The following PRRT3 variants were observed in gnomAD, a reference collection of about 807,000 sequenced individuals.
The protein encoded by PRRT3 is proline-rich transmembrane protein 3.
Under a neutral mutation model 56.6 loss-of-function variants are expected in PRRT3, and 48 were observed. The ratio of observed to expected loss-of-function variants is 0.85; its 90% CI spans 0.67 to 1.08. PRRT3 has a LOEUF of 1.08. Ranked by LOEUF, PRRT3 falls within the 50% of genes least tolerant of loss-of-function variation. The pLI, the probability that PRRT3 is intolerant of heterozygous loss-of-function variation, is 0.00. For missense variants in PRRT3, 1,370 were observed against 1,353.1 expected (o/e 1.01, Z -0.20); for synonymous variants, 641 against 619.1 (o/e 1.04, Z -0.52).
chr3:9,949,099 A>T lies in PRRT3; in HGVS notation c.1015+2T>A. 1 of 1,595,266 alleles carries T rather than the reference A, an allele frequency of 6.3e-7. No individual in the cohort carries two copies. Among genetic ancestry groups the T allele is most frequent in the Non-Finnish European group, 8.5e-7 (1 of 1,173,756 alleles). ...TCGCTCAGCACACTCATTGATACCCACCTGGCTTAGACGGCCGATCAGGAG... is the reference window on the plus strand; with the variant it reads ...TCGCTCAGCACACTCATTGATACCCTCCTGGCTTAGACGGCCGATCAGGAG... On this transcript the variant is annotated splice_donor_variant, in intron 2 of 3. Coordinates refer to ENST00000412055, the MANE Select transcript of PRRT3 (RefSeq NM_207351.5). LOFTEE classifies it high-confidence loss of function. The surrounding 1 kb of genome is among the most constrained non-coding windows in gnomAD (Gnocchi z 4.5).
rs760932331 is a variant in PRRT3, at chr3:9,947,046, G to A, written c.2127C>T (p.His709=). 7.2e-6 allele frequency: 11 copies of A among 1,535,480 alleles called. No homozygotes were observed. In the South Asian group the frequency reaches 9.5e-5, roughly 13 times the overall value. Residue 709 remains histidine (H), a synonymous_variant, in exon 4 of 4, where the codon CAC becomes CAT. Transcript: ENST00000412055. The surrounding 1 kb of genome is among the most constrained non-coding windows in gnomAD (Gnocchi z 9.2). The part of the protein sequence containing the change: ...AAARPRPPTE[H]ACWAKLMRLA... ...GACGCATCAGCTTAGCCCAGCAAGC[G>A]TGCTCCGTGGGCGGCCTGGGTCTCG...
rs1157964552 is a variant in PRRT3 at position 9,946,077 on chromosome 3, C to T, written c.*150G>A. On this transcript the variant is annotated 3_prime_UTR_variant, in exon 4 of 4. Transcript: ENST00000412055. The surrounding 1 kb of genome is among the most constrained non-coding windows in gnomAD (Gnocchi z 4.1). ...GATCTCGAACTCCTGACCTCGTGTTCCACCCACCTCGGCCTCCCAAAGTGC... is the reference window on the plus strand; with the variant it reads ...GATCTCGAACTCCTGACCTCGTGTTTCACCCACCTCGGCCTCCCAAAGTGC... The T allele has an allele frequency of 8.3e-7, 1 of 1,201,978 alleles. No homozygotes were observed. Among genetic ancestry groups the T allele is most frequent in the East Asian group, 2.8e-5 (1 of 35,730 alleles). 74.5% of individuals were successfully genotyped at this position (1,201,978 alleles called of 1,614,324 possible). A position where few individuals can be genotyped will look rare whatever the true frequency, so the allele number is the denominator to read the frequency against.
Position 9,950,187 on chromosome 3 carries a change from G to T in PRRT3, c.-57-15C>A. On this transcript the variant is annotated splice_polypyrimidine_tract_variant and intron_variant, in intron 1 of 3. Coordinates refer to ENST00000412055, the MANE Select transcript of PRRT3 (RefSeq NM_207351.5). Reference sequence around the variant, plus strand: ...ACTGGATGAGCCTAAAAAAAAAACAGGGCATGGAATGACATGTGAGGGCTG... The same window carrying T: ...ACTGGATGAGCCTAAAAAAAAAACATGGCATGGAATGACATGTGAGGGCTG... The T allele has an allele frequency of 1.6e-6, 2 of 1,262,128 alleles. No homozygotes were observed. The highest frequency in any genetic ancestry group is 2.0e-6 in the Non-Finnish European group (2 of 982,000). 78.2% of individuals were successfully genotyped at this position (1,262,128 alleles called of 1,614,324 possible).
At position 9,947,478 on chromosome 3, in the gene PRRT3, C is replaced by T. The variant is rs1553601262; in HGVS notation, c.1695G>A (p.Pro565=). 1 of 1,612,288 alleles carries T rather than the reference C, an allele frequency of 6.2e-7. No homozygotes were observed. The highest frequency in any genetic ancestry group is 1.1e-5 in the South Asian group (1 of 91,074). ...GCAGGAGTGGGTTTTGCAGCGGTGG[C>T]GGCAGCCCCGCGCCCAGGCCGAGCA... ...LTLLGLGAGL[P]PPLQNPLLLG... is the part of the protein sequence containing the mutation. Residue 565 remains proline, a synonymous_variant, in exon 4 of 4, where the codon CCG becomes CCA. Transcript: ENST00000412055. This position sits in a 1 kb window ranked among gnomAD's most constrained non-coding sequence, Gnocchi z 9.2.
Position 9,945,823 on chromosome 3 carries a change from T to G in PRRT3, c.*404A>C. The G allele has an allele frequency of 1.1e-4, 1 of 8,734 alleles. No individual in the cohort carries two copies. The highest frequency in any genetic ancestry group is 6.7e-4 in the Non-Finnish European group (1 of 1,486). 0.5% of individuals were successfully genotyped at this position (8,734 alleles called of 1,614,324 possible). Reference sequence around the variant, plus strand: ...CAGGTAGAGAGGCCTGGGGATGCCTTTTTTTTTTTTTTTTTTTTTTTTTTT... The same window carrying G: ...CAGGTAGAGAGGCCTGGGGATGCCTGTTTTTTTTTTTTTTTTTTTTTTTTT... On this transcript the variant is annotated 3_prime_UTR_variant, in exon 4 of 4. Coordinates refer to ENST00000412055, the MANE Select transcript of PRRT3 (RefSeq NM_207351.5).
In PRRT3 at chr3:9,947,988, C is replaced by T; in HGVS notation, c.1185G>A (p.Glu395=). The T allele has an allele frequency of 1.5e-6, 2 of 1,349,150 alleles. No homozygotes were observed. Among genetic ancestry groups the T allele is most frequent in the South Asian group, 2.3e-5 (1 of 43,512 alleles). 83.6% of individuals were successfully genotyped at this position (1,349,150 alleles called of 1,614,324 possible). Residue 395 remains glutamate, a synonymous_variant, in exon 4 of 4, where the codon GAG becomes GAA. Transcript: ENST00000412055. The surrounding 1 kb of genome is among the most constrained non-coding windows in gnomAD (Gnocchi z 9.2). ...GATGGCTTTGGGGGCGCCCCGGCCACTCCTCGGCTTCATCTGCAATTATAA... is the reference window on the plus strand; with the variant it reads ...GATGGCTTTGGGGGCGCCCCGGCCATTCCTCGGCTTCATCTGCAATTATAA... ...MGALQPDEAE[E]WPGRPQSHPP... is the part of the protein sequence containing the mutation.
At position 9,947,469 on chromosome 3, in the gene PRRT3, C is replaced by T; in HGVS notation, c.1704G>A (p.Leu568=). Residue 568 remains leucine, a synonymous_variant, in exon 4 of 4, where the codon CTG becomes CTA. Coordinates refer to ENST00000412055, the MANE Select transcript of PRRT3 (RefSeq NM_207351.5). This position sits in a 1 kb window ranked among gnomAD's most constrained non-coding sequence, Gnocchi z 9.2. Reference sequence around the variant, plus strand: ...CTGCTCCCAGCAGGAGTGGGTTTTGCAGCGGTGGCGGCAGCCCCGCGCCCA... The same window carrying T: ...CTGCTCCCAGCAGGAGTGGGTTTTGTAGCGGTGGCGGCAGCCCCGCGCCCA... ...LGLGAGLPPP[L]QNPLLLGAVA... is the part of the protein sequence containing the mutation. The T allele has an allele frequency of 1.2e-6, 2 of 1,612,430 alleles. No homozygotes were observed. The highest frequency in any genetic ancestry group is 1.7e-6 in the Non-Finnish European group (2 of 1,179,656).
chr3:9,949,981 G>T lies in PRRT3; in HGVS notation c.135C>A (p.Ala45=). 1 of 1,558,268 alleles carries T rather than the reference G, an allele frequency of 6.4e-7. No individual in the cohort carries two copies. The highest frequency in any genetic ancestry group is 8.7e-7 in the Non-Finnish European group (1 of 1,155,196). ...ENSEIPMIPG[A]HPKGSVGSEP... is the part of the protein sequence containing the mutation. The stretch of plus-strand genomic sequence containing the variant: ...CTGAGCCCACAGAGCCCTTGGGGTG[G>T]GCTCCAGGGATCATAGGGATTTCGG... Residue 45 remains alanine, a synonymous_variant, in exon 2 of 4, where the codon GCC becomes GCA. Transcript: ENST00000412055. This position sits in a 1 kb window ranked among gnomAD's most constrained non-coding sequence, Gnocchi z 4.5.
Position 9,946,791 on chromosome 3 carries a change from T to C in PRRT3, c.2382A>G (p.Gly794=), listed in dbSNP as rs2085531382. 6.4e-7 allele frequency: 1 copy of C among 1,553,464 alleles called. No homozygotes were observed. Among genetic ancestry groups the C allele is most frequent in the Non-Finnish European group, 8.6e-7 (1 of 1,157,722 alleles). ...GGPGLSRNGV[G]PAPSLSELDL... ...CCAGCTCGCTCAGCGATGGCGCCGG[T>C]CCCACACCGTTGCGGGACAGTCCCG... Residue 794 remains glycine, a synonymous_variant, in exon 4 of 4, where the codon GGA becomes GGG. Coordinates refer to ENST00000412055, the MANE Select transcript of PRRT3 (RefSeq NM_207351.5). This position sits in a 1 kb window ranked among gnomAD's most constrained non-coding sequence, Gnocchi z 4.1.
Position 9,946,194 on chromosome 3 carries a change from G to C in PRRT3, c.*33C>G, listed in dbSNP as rs115382867. 1.3e-6 allele frequency: 2 copies of C among 1,592,186 alleles called. No individual in the cohort carries two copies. Among genetic ancestry groups the C allele is most frequent in the African/African-American group, 2.7e-5 (2 of 73,666 alleles). ...AGTAGGCCATGCCATGTGGGCATCG[G>C]GCAGGGTCCTGGCCCTGCGTCAGGA... is the stretch of plus-strand genomic sequence containing the variant. On this transcript the variant is annotated 3_prime_UTR_variant, in exon 4 of 4. Coordinates refer to ENST00000412055, the MANE Select transcript of PRRT3 (RefSeq NM_207351.5). The surrounding 1 kb of genome is among the most constrained non-coding windows in gnomAD (Gnocchi z 4.1).
At position 9,946,299 on chromosome 3, in the gene PRRT3, G is replaced by GC. The variant is rs1264472911; in HGVS notation, c.2873dup (p.Gln959ProfsTer19). The stretch of plus-strand genomic sequence containing the variant: ...TGCCGCGCGGCTGGACCTCTCCCTG[G>GC]CCGTCCCCCTGCCGAGCGGCGGTAG... On this transcript the variant is annotated frameshift_variant, in exon 4 of 4. Transcript: ENST00000412055. LOFTEE classifies it high-confidence loss of function. The surrounding 1 kb of genome is among the most constrained non-coding windows in gnomAD (Gnocchi z 4.1). The GC allele has an allele frequency of 6.2e-7, 1 of 1,612,530 alleles. No individual in the cohort carries two copies. Among genetic ancestry groups the GC allele is most frequent in the Admixed American group, 1.7e-5 (1 of 59,928 alleles).
At position 9,946,502 on chromosome 3, in the gene PRRT3, C is replaced by A. The variant is rs1244820824; in HGVS notation, c.2671G>T (p.Ala891Ser). The A allele has an allele frequency of 1.2e-5, 18 of 1,536,522 alleles. No individual in the cohort carries two copies. Among genetic ancestry groups the A allele is most frequent in the Non-Finnish European group, 1.6e-5 (18 of 1,140,288 alleles). The change falls in exon 4 of 4, where the codon GCA becomes TCA. Residue 891 changes from alanine to serine, a missense_variant. Transcript: ENST00000412055. This position sits in a 1 kb window ranked among gnomAD's most constrained non-coding sequence, Gnocchi z 4.1. ...GCCGCAGCGGCTGCCCCGTCGGGTG[C>A]TTCCACTACGTGCTGTGGGACCGGC... The part of the protein sequence containing the change: ...RGPVPQHVVE[A>S]PDGAAAAASG...
At chr3:9,951,069 C>G in intron 1 of PRRT3, among the ~76,000 whole-genome samples, 1 of 152,190 alleles carries the variant, frequency 6.6e-6, no homozygotes, top group East Asian at 1.9e-4. Context: ...TTCCTCTTCC[C>G]GCCTTCCTTC....
At position 9,947,389 on chromosome 3, in the gene PRRT3, G is replaced by C. The variant is rs772048381; in HGVS notation, c.1784C>G (p.Ser595Cys). The C allele has an allele frequency of 3.1e-6, 5 of 1,612,306 alleles. No individual in the cohort carries two copies. The East Asian group carries it at 1.1e-4, about 36-fold the overall frequency. The stretch of plus-strand genomic sequence containing the variant: ...GCCCTGCGTCAGGAGGTTGAGCACA[G>C]ACCATGTGGACAGCAGGTCTGTCGC... ...LLATDLLSTW[S>C]VLNLLTQGLS... Residue 595 changes from serine (S) to cysteine (C), a missense_variant, in exon 4 of 4, where the codon TCT becomes TGT. Transcript: ENST00000412055. This position sits in a 1 kb window ranked among gnomAD's most constrained non-coding sequence, Gnocchi z 9.2.
In PRRT3 at chr3:9,949,411, C is replaced by T. The variant is rs1045165242; in HGVS notation, c.705G>A (p.Glu235=). The T allele has an allele frequency of 1.7e-5, 28 of 1,614,038 alleles. No individual in the cohort carries two copies. The highest frequency in any genetic ancestry group is 2.2e-5 in the South Asian group (2 of 91,088). ...GQGGFEEHLQ[E]AAQGPHFTQQ... is the part of the protein sequence containing the mutation. ...GGGTGAAGTGGGGACCTTGAGCTGC[C>T]TCCTGCAAGTGTTCCTCAAACCCAC... The change falls in exon 2 of 4, where the codon GAG becomes GAA. Residue 235 remains glutamate (E), a synonymous_variant. Coordinates refer to ENST00000412055, the MANE Select transcript of PRRT3 (RefSeq NM_207351.5). The surrounding 1 kb of genome is among the most constrained non-coding windows in gnomAD (Gnocchi z 4.5).
intron 3 of PRRT3, chr3:9,948,394 A>G (rs1418576931): frequency 2.5e-6 from 1 of 398,548 alleles, no homozygotes; most frequent in Non-Finnish European, 4.4e-6. Flanking sequence ...CAGTGGTGCA[A>G]TGTGGGCTTA....
At position 9,946,678 on chromosome 3, in the gene PRRT3, T is replaced by A. The variant is rs776643589; in HGVS notation, c.2495A>T (p.Gln832Leu). ...GGCCAGGCCGCGGAGGCCGCAGCGC[T>A]GGAACACACTGTCTCGCACTAGGTG... Reference protein sequence around the residue: ...REHLVRDSVFQRCGLRGLASP... With the variant: ...REHLVRDSVFLRCGLRGLASP... The change falls in exon 4 of 4, where the codon CAG (glutamine) becomes CTG (leucine). Residue 832 changes from glutamine to leucine, a missense_variant. Coordinates refer to ENST00000412055, the MANE Select transcript of PRRT3 (RefSeq NM_207351.5). This position sits in a 1 kb window ranked among gnomAD's most constrained non-coding sequence, Gnocchi z 4.1. 14 of 1,426,052 alleles carry A rather than the reference T, an allele frequency of 9.8e-6. No individual in the cohort carries two copies. Among genetic ancestry groups the A allele is most frequent in the Non-Finnish European group, 8.2e-6 (9 of 1,100,026 alleles). The allele number at this position is 1,426,052 out of a possible 1,614,324, so 88.3% of individuals were successfully genotyped here.
chr3:9,946,730 T>C lies in PRRT3; in HGVS notation c.2443A>G (p.Ser815Gly). ...RPPSPINLSR[S>G]IDAALFREHL... ...TCGCGGAAGAGCGCGGCGTCGATGCTGCGGCTCAGGTTGATGGGCGATGGC... is the reference window on the plus strand; with the variant it reads ...TCGCGGAAGAGCGCGGCGTCGATGCCGCGGCTCAGGTTGATGGGCGATGGC... The change falls in exon 4 of 4, where the codon AGC becomes GGC. Residue 815 changes from serine to glycine, a missense_variant. Ser to Gly is a moderately conservative substitution (Grantham distance 56). Transcript: ENST00000412055. This position sits in a 1 kb window ranked among gnomAD's most constrained non-coding sequence, Gnocchi z 4.1. 1.3e-6 allele frequency: 2 copies of C among 1,505,854 alleles called. No homozygotes were observed. The highest frequency in any genetic ancestry group is 1.8e-6 in the Non-Finnish European group (2 of 1,136,936). The allele number at this position is 1,505,854 out of a possible 1,614,324, so 93.3% of individuals were successfully genotyped here.
chr3:9,947,158 G>T lies in PRRT3; in HGVS notation c.2015C>A (p.Ser672Ter), dbSNP rs1362177508. 2 of 1,536,132 alleles carry T rather than the reference G, an allele frequency of 1.3e-6. No individual in the cohort carries two copies. Among genetic ancestry groups the T allele is most frequent in the Non-Finnish European group, 1.7e-6 (2 of 1,146,742 alleles). The change falls in exon 4 of 4, where the codon TCG becomes TAG. Residue 672 changes from serine (S) to a stop codon, truncating the protein, a stop_gained. Transcript: ENST00000412055. LOFTEE classifies it high-confidence loss of function. This position sits in a 1 kb window ranked among gnomAD's most constrained non-coding sequence, Gnocchi z 9.2. ...GAAGTGGACACCCCACCAGGCCCAC[G>T]AGAAGCGGCCCACGCGGCCTGGGCC... is the stretch of plus-strand genomic sequence containing the variant. Reference protein sequence around the residue: ...YPGPGRVGRFSWAWWGVHFWL... With the variant: ...YPGPGRVGRF
Sources: gnomAD v4.1 joint callset for allele counts (sites outside exome capture counted in the v4.1 genomes callset) on GRCh38, gnomAD v4.1.1 for gene constraint, Gnocchi (gnomAD v3.1) non-coding constraint, MANE v1.5 for transcripts, NCBI Gene and HGNC (gene_info 2026-07-23, HGNC 2026-07-21) for gene names.